The following PLVAP variants were observed in gnomAD, a reference collection of about 807,000 sequenced individuals.
PLVAP encodes plasmalemma vesicle-associated protein.
Under a neutral mutation model 43.1 loss-of-function variants are expected in PLVAP, and 34 were observed. The ratio of observed to expected loss-of-function variants is 0.79; its 90% CI spans 0.60 to 1.05. The LOEUF is 1.05. PLVAP is among the 50% of genes least tolerant of loss of function. The pLI is 0.00. For synonymous variants in PLVAP, 241 were observed against 237.3 expected (o/e 1.02, Z -0.14); for missense variants, 574 against 593.4 (o/e 0.97, Z 0.34).
At chr19:17,359,001 T>C (rs1205223155) in intron 5 of PLVAP, among the ~76,000 whole-genome samples, 1 of 152,014 alleles carries the variant, frequency 6.6e-6, no homozygotes, top group Non-Finnish European at 1.5e-5. Context: ...GGTTTTGCTA[T>C]GTTGCCCAGA....
In PLVAP at chr19:17,365,692, T is replaced by C; in HGVS notation, c.773A>G (p.Tyr258Cys). The change falls in exon 3 of 6, where the codon TAC (tyrosine) becomes TGC (cysteine). Residue 258 changes from tyrosine (Y) to cysteine (C), a missense_variant. By Grantham distance (194) the Tyr-to-Cys change is radical. Coordinates refer to ENST00000252590, the MANE Select transcript of PLVAP (RefSeq NM_031310.3). ...RSLDNLGYNL[Y>C]HPLGSELASI... ...GGCCAATTCCGAGCCCAGGGGATGG[T>C]AGAGGTTGTAACCCAGGTTGTCCAG... is the stretch of plus-strand genomic sequence containing the variant. 3 of 1,613,726 alleles carry C rather than the reference T, an allele frequency of 1.9e-6. No homozygotes were observed. The highest frequency in any genetic ancestry group is 2.5e-6 in the Non-Finnish European group (3 of 1,180,006).
rs1449727024 is a variant in PLVAP, at chr19:17,353,829, C to T, written c.1323-1461G>A. On this transcript the variant is annotated intron_variant, in intron 5 of 5. Transcript: ENST00000252590. ...CACTAGACTGTGAGCCCCATGAGGG[C>T]AGCGGGTTTCTGTGCCTTGTTCCCA... is the stretch of plus-strand genomic sequence containing the variant. Among the ~76,000 whole-genome samples, 3 of 152,224 alleles carry T rather than the reference C, an allele frequency of 2.0e-5. No individual in the cohort carries two copies. In the East Asian group the frequency reaches 5.8e-4, roughly 29 times the overall value.
At chr19:17,375,205 G>C in intron 1 of PLVAP, among the ~76,000 whole-genome samples, 1 of 152,018 alleles carries the variant, frequency 6.6e-6, no homozygotes, top group Non-Finnish European at 1.5e-5. Context: ...TGGTCCTCCT[G>C]CCTCGGTCTC....
intron 1 of PLVAP, among the ~76,000 whole-genome samples, chr19:17,372,407 T>C (rs1170446638): frequency 6.7e-6 from 1 of 150,042 alleles, no homozygotes; most frequent in Non-Finnish European, 1.5e-5. Context: ...AAACTCTGTG[T>C]CAAAAATAGT....
chr19:17,372,803 A>G (rs1383504275), intron 1 of PLVAP, among the ~76,000 whole-genome samples: 1 of 149,130 alleles, frequency 6.7e-6, no homozygotes, highest in African/African-American at 2.4e-5. Context: ...AGTGGCTCAC[A>G]CCTGTAATCC....
chr19:17,362,378 T>G (rs754773862), intron 3 of PLVAP: 1 of 151,474 alleles, frequency 6.6e-6, no homozygotes, highest in East Asian at 1.9e-4. Flanking sequence ...ACCCCAAATT[T>G]TCCTCTCAAC....
At chr19:17,359,693 CTT>C (rs10617408) in intron 5 of PLVAP, among the ~76,000 whole-genome samples, 26,999 of 115,952 alleles carry the variant, frequency 0.23, 4,451 homozygotes, top group African/African-American at 0.48. Context: ...TACCCGGCCT[CTT>C]TTTTTTTTTT....
chr19:17,352,186 C>T lies in PLVAP; in HGVS notation c.*176G>A, dbSNP rs2074488560. On this transcript the variant is annotated 3_prime_UTR_variant, in exon 6 of 6. Transcript: ENST00000252590. ...GTGCTCTGGGTGAGGGATCGTGAGG[C>T]GCGGGTGCGGGTGTGAGAGGGTACT... is the stretch of plus-strand genomic sequence containing the variant. The T allele has an allele frequency of 5.0e-6, 4 of 799,468 alleles. No homozygotes were observed. Among genetic ancestry groups the T allele is most frequent in the African/African-American group, 1.8e-5 (1 of 55,490 alleles). The allele number at this position is 799,468 out of a possible 1,614,324, so 49.5% of individuals were successfully genotyped here. A position where few individuals can be genotyped will look rare whatever the true frequency, so the allele number is the denominator to read the frequency against.
rs1002039684 is a variant in PLVAP, at chr19:17,360,701, A to T, written c.1240+71T>A. The stretch of plus-strand genomic sequence containing the variant: ...GGCTGGCAGCCCAGGGGAGTGGGAA[A>T]GTGGGGCTGGGGTGGGGTTCGAGGT... On this transcript the variant is annotated intron_variant, in intron 4 of 5. Transcript: ENST00000252590. 4 of 1,579,384 alleles carry T rather than the reference A, an allele frequency of 2.5e-6. No homozygotes were observed. In the African/African-American group the frequency reaches 5.4e-5, roughly 21 times the overall value.
In PLVAP at chr19:17,365,589, C is replaced by G. The variant is rs147299275; in HGVS notation, c.876G>C (p.Ala292=). The change falls in exon 3 of 6, where the codon GCG becomes GCC. Residue 292 remains alanine (A), a synonymous_variant. Coordinates refer to ENST00000252590, the MANE Select transcript of PLVAP (RefSeq NM_031310.3). The stretch of plus-strand genomic sequence containing the variant: ...TCTCGCGGGCCACGCGTTCGATATC[C>G]GCCCGGAGGCTCCGGGCCAGCTCCT... ...KVEELARSLR[A]DIERVARENS... is the part of the protein sequence containing the mutation. 6.2e-7 allele frequency: 1 copy of G among 1,612,756 alleles called. No individual in the cohort carries two copies. The highest frequency in any genetic ancestry group is 1.1e-5 in the South Asian group (1 of 91,086).
At chr19:17,361,447 C>G (rs1036814296) in intron 3 of PLVAP, among the ~76,000 whole-genome samples, 1 of 152,108 alleles carries the variant, frequency 6.6e-6, no homozygotes, top group Admixed American at 6.6e-5. Context: ...ATCACAGCCT[C>G]AGGGTGAATC....
Position 17,360,784 on chromosome 19 carries a change from G to T in PLVAP, c.1228C>A (p.Pro410Thr), listed in dbSNP as rs769449142. The T allele has an allele frequency of 1.9e-6, 3 of 1,613,774 alleles. No individual in the cohort carries two copies. The African/African-American group carries it at 4.0e-5, about 22-fold the overall frequency. ...VSRPMGPVPN[P>T]QPIDPASLEE... Reference sequence around the variant, plus strand: ...TTTTGTCACTCACCGATGGGCTGGGGGTTGGGGACAGGGCCCATGGGCCTT... The same window carrying T: ...TTTTGTCACTCACCGATGGGCTGGGTGTTGGGGACAGGGCCCATGGGCCTT... The change falls in exon 4 of 6, where the codon CCC (proline) becomes ACC (threonine). Residue 410 changes from proline to threonine, a missense_variant. Coordinates refer to ENST00000252590, the MANE Select transcript of PLVAP (RefSeq NM_031310.3).
chr19:17,360,630 G>A (rs1485455147), intron 4 of PLVAP, 21 bp from the exon 5 acceptor site: 2 of 1,604,506 alleles, frequency 1.2e-6, no homozygotes, highest in African/African-American at 1.3e-5. Context: ...AGAGAGGTGA[G>A]GCTTGACCTA....
chr19:17,365,702 A>G lies in PLVAP; in HGVS notation c.763T>C (p.Tyr255His), dbSNP rs1366223683. 1.2e-6 allele frequency: 2 copies of G among 1,613,812 alleles called. No individual in the cohort carries two copies. The highest frequency in any genetic ancestry group is 1.7e-6 in the Non-Finnish European group (2 of 1,180,046). ...GAGCCCAGGGGATGGTAGAGGTTGTAACCCAGGTTGTCCAGGCTGCGTGGG... is the reference window on the plus strand; with the variant it reads ...GAGCCCAGGGGATGGTAGAGGTTGTGACCCAGGTTGTCCAGGCTGCGTGGG... ...IIPRSLDNLGYNLYHPLGSEL... is the reference protein window; with the variant it reads ...IIPRSLDNLGHNLYHPLGSEL... Residue 255 changes from tyrosine to histidine, a missense_variant, in exon 3 of 6, where the codon TAC becomes CAC. Transcript: ENST00000252590.
intron 1 of PLVAP, among the ~76,000 whole-genome samples, chr19:17,376,089 G>A (rs113679764): frequency 0.074 from 11,217 of 151,994 alleles, 444 homozygotes; most frequent in South Asian, 0.15. Context: ...GAGGCAGGAG[G>A]ATTGCTGGAG....
chr19:17,358,972 G>T lies in PLVAP; in HGVS notation c.1322+1556C>A, dbSNP rs190275823. Among the ~76,000 whole-genome samples the T allele has an allele frequency of 4.2e-3, 639 of 151,824 alleles. 4 individuals are homozygous for T. Among genetic ancestry groups the T allele is most frequent in the African/African-American group, 0.015 (607 of 41,422 alleles). ...GCACCACCACACCTGGGTAATTTTT[G>T]TATTTTTTGTACAGAGGGGGTTTTG... On this transcript the variant is annotated intron_variant, in intron 5 of 5. Coordinates refer to ENST00000252590, the MANE Select transcript of PLVAP (RefSeq NM_031310.3).
chr19:17,376,468 G>T (rs2074595624), intron 1 of PLVAP, among the ~76,000 whole-genome samples: 2 of 151,528 alleles, frequency 1.3e-5, no homozygotes, highest in Admixed American at 6.6e-5. Context: ...ATCCAGCCCA[G>T]GATACACATG....
At chr19:17,374,796 TTGTATGTATGTA>T (rs776250486) in intron 1 of PLVAP, among the ~76,000 whole-genome samples, 4 of 141,144 alleles carry the variant, frequency 2.8e-5, no homozygotes, top group Admixed American at 1.4e-4. Context: ...TGACTAATTT[TTGTATGTATGTA>T]TGTATGTATG....
intron 1 of PLVAP, among the ~76,000 whole-genome samples, chr19:17,371,379 C>T (rs2074571557): frequency 6.6e-6 from 1 of 151,934 alleles, no homozygotes; most frequent in East Asian, 2.0e-4. Context: ...CAGGTGGTTT[C>T]GAACTCCTGA....
Sources: gnomAD v4.1 joint callset for allele counts (sites outside exome capture counted in the v4.1 genomes callset) on GRCh38, gnomAD v4.1.1 for gene constraint, MANE v1.5 for transcripts, NCBI Gene and HGNC (gene_info 2026-07-23, HGNC 2026-07-21) for gene names.